COL14A1: variants seen among roughly 807,000 people sequenced by gnomAD.
The protein encoded by COL14A1 is collagen alpha-1(XIV) chain.
A neutral mutation model predicts 230.3 loss-of-function variants in COL14A1; 136 were observed. That is an observed-to-expected ratio of 0.59 (90% confidence interval 0.51 to 0.68). The LOEUF (loss-of-function observed/expected upper bound fraction) is 0.68. Among genes scored for constraint, COL14A1 ranks in the 30% least tolerant of loss-of-function variants. The pLI, the probability that COL14A1 is intolerant of heterozygous loss-of-function variation, is 0.00. For synonymous variants in COL14A1, 792 were observed against 784.1 expected, an observed-to-expected ratio of 1.01 and a Z score of -0.17; for missense variants, 1,976 against 2,215.8, an observed-to-expected ratio of 0.89 and a Z score of 2.17.
intron 12 of COL14A1, 98 bp downstream of exon 12, chr8:120,209,999 T>A (rs900932337): frequency 9.5e-7 from 1 of 1,050,068 alleles, no homozygotes; most frequent in Admixed American, 3.9e-5. Flanking sequence ...ATTTAGAAAT[T>A]TCAGATTAGC....
At chr8:120,166,911 T>TGTGTGTGC (rs1307697305) in intron 4 of COL14A1, among the ~76,000 whole-genome samples, 1 of 148,462 alleles carries the variant, frequency 6.7e-6, no homozygotes, top group Non-Finnish European at 1.5e-5. Flanking sequence ...TGTGTGTGTG[T>TGTGTGTGC]GTGTGTGTGT....
In COL14A1 at chr8:120,270,094, G is replaced by A; in HGVS notation, c.3133G>A (p.Asp1045Asn). 4 of 1,611,666 alleles carry A rather than the reference G, an allele frequency of 2.5e-6. No homozygotes were observed. The highest frequency in any genetic ancestry group is 3.4e-6 in the Non-Finnish European group (4 of 1,178,446). ...GGTGGATGGATCCTGGAGCATTGGA[G>A]ATGAAAATTTCAATAAGATCATCAG... ...FMVDGSWSIG[D>N]ENFNKIISFL... Residue 1045 changes from aspartate to asparagine, a missense_variant, in exon 26 of 48, where the codon GAT (aspartate) becomes AAT (asparagine). This residue lies in a region of COL14A1 where 1,791 missense variants were observed against 2,019.5 expected (regional missense o/e 0.89). Coordinates refer to ENST00000297848, the MANE Select transcript of COL14A1 (RefSeq NM_021110.4).
chr8:120,188,324 C>T (rs1816708509), intron 5 of COL14A1, among the ~76,000 whole-genome samples: 1 of 152,118 alleles, frequency 6.6e-6, no homozygotes, highest in African/African-American at 2.4e-5. Context: ...TCAGGTGATC[C>T]ACCCATCTTG....
chr8:120,133,077 A>T (rs1465528208), intron 1 of COL14A1, among the ~76,000 whole-genome samples: 3 of 152,040 alleles, frequency 2.0e-5, no homozygotes, highest in Admixed American at 2.0e-4. Flanking sequence ...TTAGCCAGGC[A>T]TGGTGGCGCG....
At chr8:120,319,245 C>A (rs1437779373) in intron 40 of COL14A1, among the ~76,000 whole-genome samples, 1 of 152,188 alleles carries the variant, frequency 6.6e-6, no homozygotes. Flanking sequence ...CAGCCTCAAA[C>A]TCCTGGGCTC....
intron 42 of COL14A1, among the ~76,000 whole-genome samples, chr8:120,339,004 A>G (rs79778042): frequency 0.055 from 8,312 of 152,232 alleles, 332 homozygotes; most frequent in African/African-American, 0.1. Flanking sequence ...GGGGTGTGCT[A>G]TGTAAATCTT....
rs1158406322 is a variant in COL14A1 at position 120,147,862 on chromosome 8, A to C, written c.20A>C (p.Lys7Thr). The C allele has an allele frequency of 6.2e-7, 1 of 1,613,894 alleles. No homozygotes were observed. Among genetic ancestry groups the C allele is most frequent in the South Asian group, 1.1e-5 (1 of 91,038 alleles). MKIFQR[K>T]MRYWLLPPFL... ...AATAAAATGAAGATTTTCCAGCGCAAGATGCGGTACTGGTTGCTTCCACCT... is the reference window on the plus strand; with the variant it reads ...AATAAAATGAAGATTTTCCAGCGCACGATGCGGTACTGGTTGCTTCCACCT... Residue 7 changes from lysine to threonine, a missense_variant, in exon 2 of 48, where the codon AAG (lysine) becomes ACG (threonine). Coordinates refer to ENST00000297848, the MANE Select transcript of COL14A1 (RefSeq NM_021110.4).
At chr8:120,191,868 C>T (rs896938699) in intron 5 of COL14A1, among the ~76,000 whole-genome samples, 10 of 151,968 alleles carry the variant, frequency 6.6e-5, no homozygotes, top group Admixed American at 5.9e-4. Context: ...GGATTGCAAC[C>T]CCTGCCTTTT....
chr8:120,183,143 A>C (rs1816530344), intron 5 of COL14A1, among the ~76,000 whole-genome samples: 1 of 152,176 alleles, frequency 6.6e-6, no homozygotes, highest in Non-Finnish European at 1.5e-5. Flanking sequence ...AGGGTACATT[A>C]CAGGAGATGG....
At chr8:120,146,827 GA>G (rs1481199104) in intron 1 of COL14A1, among the ~76,000 whole-genome samples, 1 of 151,952 alleles carries the variant, frequency 6.6e-6, no homozygotes, top group African/African-American at 2.4e-5. Context: ...ATATATAAAT[GA>G]AAAAATGAAT....
intron 40 of COL14A1, among the ~76,000 whole-genome samples, chr8:120,317,661 A>G (rs1186435803): frequency 6.6e-6 from 1 of 152,206 alleles, no homozygotes; most frequent in South Asian, 2.1e-4. Flanking sequence ...ATGAAGTCCA[A>G]TCTTGGCAAA....
rs748013046 is a variant in COL14A1, at chr8:120,270,037, T to G, written c.3076T>G (p.Cys1026Gly). The stretch of plus-strand genomic sequence containing the variant: ...CAAAATTCATTGTTGGTCTTCAGTA[T>G]GTAAGGCGGCCAAGGCTGACCTGGT... ...PPTIPPAKEV[C>G]KAAKADLVFM... The change falls in exon 26 of 48, where the codon TGT (cysteine) becomes GGT (glycine). Residue 1026 changes from cysteine (C) to glycine (G), a missense_variant and splice_region_variant. Around this residue, in one of 3 missense-constraint regions of COL14A1, gnomAD observed 1,791 missense variants for 2,019.5 expected, o/e 0.89. Coordinates refer to ENST00000297848, the MANE Select transcript of COL14A1 (RefSeq NM_021110.4). 1.2e-6 allele frequency: 2 copies of G among 1,610,996 alleles called. No individual in the cohort carries two copies. Among genetic ancestry groups the G allele is most frequent in the Non-Finnish European group, 1.7e-6 (2 of 1,177,974 alleles).
Position 120,159,894 on chromosome 8 carries a change from G to T in COL14A1, c.205+1648G>T, listed in dbSNP as rs185173733. ...TTTAGTAGAGATGGGATTTCACCAT[G>T]TTGGCCAGACTAGTCTTGAACTCCT... On this transcript the variant is annotated intron_variant, in intron 3 of 47. Coordinates refer to ENST00000297848, the MANE Select transcript of COL14A1 (RefSeq NM_021110.4). Among the ~76,000 whole-genome samples the T allele has an allele frequency of 3.4e-3, 516 of 152,194 alleles. 4 individuals are homozygous for T. Among genetic ancestry groups the T allele is most frequent in the Admixed American group, 8.6e-3 (132 of 15,284 alleles).
chr8:120,191,563 A>G (rs1417527488), intron 5 of COL14A1, among the ~76,000 whole-genome samples: 19 of 151,448 alleles, frequency 1.3e-4, no homozygotes, highest in East Asian at 5.9e-4. Flanking sequence ...TATTAGGTCC[A>G]CTTGGTGCAG....
At chr8:120,308,451 T>C (rs1820919640) in intron 36 of COL14A1, among the ~76,000 whole-genome samples, 1 of 152,234 alleles carries the variant, frequency 6.6e-6, no homozygotes, top group Admixed American at 6.5e-5. Context: ...CTAAAGCATA[T>C]TAAGTTGAAG....
chr8:120,313,035 G>A (rs188626842), intron 37 of COL14A1, among the ~76,000 whole-genome samples: 11 of 152,200 alleles, frequency 7.2e-5, no homozygotes, highest in African/African-American at 2.6e-4. Context: ...CAGAAATAAG[G>A]GTAAAAGGGA....
chr8:120,145,475 C>T (rs1366928432), intron 1 of COL14A1, among the ~76,000 whole-genome samples: 3 of 152,096 alleles, frequency 2.0e-5, no homozygotes, highest in East Asian at 1.9e-4. Context: ...AAAAATTAGC[C>T]GGGCGTAGTG....
chr8:120,174,905 C>T (rs1272880569), intron 5 of COL14A1, among the ~76,000 whole-genome samples: 1 of 152,110 alleles, frequency 6.6e-6, no homozygotes, highest in African/African-American at 2.4e-5. Flanking sequence ...ACAAAAGATG[C>T]CCCTGCTCCA....
chr8:120,311,596 CAGTGCAGGAAT>C (rs1821038678), intron 37 of COL14A1, among the ~76,000 whole-genome samples: 1 of 152,088 alleles, frequency 6.6e-6, no homozygotes. Context: ...CCAATGTGGA[CAGTGCAGGAAT>C]AGATACCTTG....
Sources: allele counts gnomAD v4.1 joint callset (sites outside exome capture counted in the v4.1 genomes callset), GRCh38; gene constraint gnomAD v4.1.1; regional missense constraint gnomAD v4.1.1; transcripts MANE v1.5; gene names NCBI Gene and HGNC (gene_info 2026-07-23, HGNC 2026-07-21).